TTN: variants seen among roughly 807,000 people sequenced by gnomAD.
TTN encodes the protein connectin.
Under a neutral mutation model 3,223.0 loss-of-function variants are expected in TTN, and 1,525 were observed. That is an observed-to-expected ratio of 0.47 (90% CI 0.45 to 0.49). The LOEUF is 0.49. Ranked by LOEUF, TTN falls within the 20% of genes least tolerant of loss-of-function variation. The pLI is 0.00. For synonymous variants in TTN, 14,094 were observed against 15,161.0 expected (o/e 0.93, Z 5.17); for missense variants, 40,786 against 43,424.0 (o/e 0.94, Z 5.40).
Position 178,790,820 on chromosome 2 carries a change from G to A in TTN, c.1688C>T (p.Ala563Val), listed in dbSNP as rs2093449486. The change falls in exon 11 of 363, where the codon GCT (alanine) becomes GTT (valine). Residue 563 changes from alanine to valine, a missense_variant. Physicochemically the swap from Ala to Val is moderately conservative, Grantham distance 64 (BLOSUM62 0). Coordinates refer to ENST00000589042, the MANE Select transcript of TTN (RefSeq NM_001267550.2). ...AGTGGCAACTACCACCATGGATGCAGCAGTTATCTCAGTTTCCTGTCTTAT... is the reference window on the plus strand; with the variant it reads ...AGTGGCAACTACCACCATGGATGCAACAGTTATCTCAGTTTCCTGTCTTAT... ...EAIRQETEIT[A>V]ASMVVVATAK... The A allele has an allele frequency of 6.2e-7, 1 of 1,614,104 alleles. No individual in the cohort carries two copies. Among genetic ancestry groups the A allele is most frequent in the Non-Finnish European group, 8.5e-7 (1 of 1,179,992 alleles).
chr2:178,788,417 G>A (rs140749535), intron 13 of TTN, among the ~76,000 whole-genome samples: 1 of 152,184 alleles, frequency 6.6e-6, no homozygotes, highest in Non-Finnish European at 1.5e-5. Flanking sequence ...ATGTTGCATA[G>A]TGGAATTTCT....
chr2:178,792,410 AGTTGAATT>A (rs976789510), intron 9 of TTN, among the ~76,000 whole-genome samples: 6 of 152,200 alleles, frequency 3.9e-5, no homozygotes, highest in African/African-American at 1.4e-4. Flanking sequence ...GAGAAAACAA[AGTTGAATT>A]CAACACTTTG....
In TTN at chr2:178,733,345, G is replaced by A. The variant is rs2154311282; in HGVS notation, c.15948C>T (p.Ala5316=). 1 of 1,613,778 alleles carries A rather than the reference G, an allele frequency of 6.2e-7. No homozygotes were observed. The highest frequency in any genetic ancestry group is 8.5e-7 in the Non-Finnish European group (1 of 1,179,784). ...KYRISFKNNV[A]QLKFYSAELH... is the part of the protein sequence containing the mutation. ...GCTCAGCTGAATAAAATTTGAGCTG[G>A]GCAACATTGTTTTTAAAACTTATTC... is the stretch of plus-strand genomic sequence containing the variant. The change falls in exon 54 of 363, where the codon GCC becomes GCT. Residue 5316 remains alanine, a synonymous_variant. Transcript: ENST00000589042.
rs758963173 is a variant in TTN, at chr2:178,586,635, T to G, written c.64266A>C (p.Lys21422Asn). 3.7e-6 allele frequency: 6 copies of G among 1,613,226 alleles called. No individual in the cohort carries two copies. The highest frequency in any genetic ancestry group is 5.1e-6 in the Non-Finnish European group (6 of 1,179,428). ...ADRWTEYSVV[K>N]DLSLVVTGLK... ...GGCCAGTGACAACAAGGCTCAGATC[T>G]TTTACCACTGAGTACTCTGTCCAGC... is the stretch of plus-strand genomic sequence containing the variant. The change falls in exon 308 of 363, where the codon AAA becomes AAC. Residue 21422 changes from lysine to asparagine, a missense_variant. Coordinates refer to ENST00000589042, the MANE Select transcript of TTN (RefSeq NM_001267550.2).
intron 8 of TTN, 75 bp downstream of exon 8, chr2:178,794,324 C>T: frequency 1.3e-6 from 2 of 1,599,914 alleles, no homozygotes; most frequent in Non-Finnish European, 1.7e-6. Flanking sequence ...ATGCCAAGCT[C>T]AGTGGATGGT....
Position 178,633,516 on chromosome 2 carries a change from G to T in TTN, c.42843C>A (p.Gly14281=), listed in dbSNP as rs1576706129. ...PSPKYSIKAD[G]LRRILKIKKA... ...TTTTGATTTTTAAGATGCGGCGCAG[G>T]CCATCTGCCTTGATAGAATATTTGG... Residue 14281 remains glycine (G), a synonymous_variant, in exon 232 of 363, where the codon GGC becomes GGA. Coordinates refer to ENST00000589042, the MANE Select transcript of TTN (RefSeq NM_001267550.2). The T allele has an allele frequency of 1.2e-6, 2 of 1,613,212 alleles. No homozygotes were observed. Among genetic ancestry groups the T allele is most frequent in the East Asian group, 4.5e-5 (2 of 44,766 alleles).
chr2:178,649,960 A>T, intron 210 of TTN, 66 bp from the exon 211 acceptor site: 1 of 1,523,320 alleles, frequency 6.6e-7, no homozygotes, highest in Non-Finnish European at 9.0e-7. Flanking sequence ...CTAATGAATG[A>T]ATTAAAAACC....
chr2:178,632,986 A>T lies in TTN; in HGVS notation c.43145T>A (p.Leu14382Gln). The T allele has an allele frequency of 6.2e-7, 1 of 1,613,272 alleles. No individual in the cohort carries two copies. Among genetic ancestry groups the T allele is most frequent in the Non-Finnish European group, 8.5e-7 (1 of 1,179,456 alleles). The part of the protein sequence containing the change: ...KHILILHNCQ[L>Q]GMTGEVSFQA... ...GAAGGAAACCTCTCCTGTCATACCC[A>T]GCTGACAGTTATGAAGGATCAGAAT... Residue 14382 changes from leucine to glutamine, a missense_variant, in exon 234 of 363, where the codon CTG becomes CAG. By Grantham distance (113) the Leu-to-Gln change is moderately radical. Transcript: ENST00000589042.
Position 178,741,166 on chromosome 2 carries a change from C to T in TTN, c.12067G>A (p.Ala4023Thr). The T allele has an allele frequency of 6.2e-7, 1 of 1,613,488 alleles. No individual in the cohort carries two copies. The highest frequency in any genetic ancestry group is 1.1e-5 in the South Asian group (1 of 91,080). The change falls in exon 48 of 363, where the codon GCA becomes ACA. Residue 4023 changes from alanine to threonine, a missense_variant. Transcript: ENST00000589042. ...TCCAGAAGCACAAGCAGCTCTGCTG[C>T]ACAGGTGGACTCACCCAACATATTC... The part of the protein sequence containing the change: ...AENMLGESTC[A>T]AELLVLLEDT...
Position 178,712,162 on chromosome 2 carries a change from G to A in TTN, c.27668C>T (p.Ser9223Phe), listed in dbSNP as rs778581432. The change falls in exon 96 of 363, where the codon TCT becomes TTT. Residue 9223 changes from serine (S) to phenylalanine (F), a missense_variant. Transcript: ENST00000589042. ...PVKVSVGDSA[S>F]LQCQLAGTPE... ...GGTTCCAGCAAGCTGGCATTGTAGA[G>A]AGGCAGAATCTCCAACAGACACCTT... 6.2e-6 allele frequency: 10 copies of A among 1,613,784 alleles called. No individual in the cohort carries two copies. The South Asian group carries it at 9.9e-5, about 16-fold the overall frequency.
chr2:178,684,074 C>T lies in TTN; in HGVS notation c.32731G>A (p.Glu10911Lys), dbSNP rs199620003. 8.4e-5 allele frequency: 136 copies of T among 1,611,116 alleles called. No individual in the cohort carries two copies. The highest frequency in any genetic ancestry group is 1.4e-5 in the Non-Finnish European group (17 of 1,178,842). Residue 10911 changes from glutamate (E) to lysine (K), a missense_variant, in exon 133 of 363, where the codon GAA becomes AAA. Glu to Lys is a moderately conservative substitution (Grantham distance 56). Transcript: ENST00000589042. The part of the protein sequence containing the change: ...EAPPKARVPE[E>K]PKRAVPEEKV... ...TCTTCTGGGACAGCTCTCTTCGGTT[C>T]CTCTGGCACTTTAAAGAGAGATTTC...
At position 178,713,939 on chromosome 2, in the gene TTN, G is replaced by T. The variant is rs764261158; in HGVS notation, c.26719C>A (p.Pro8907Thr). Residue 8907 changes from proline to threonine, a missense_variant, in exon 92 of 363, where the codon CCT becomes ACT. Coordinates refer to ENST00000589042, the MANE Select transcript of TTN (RefSeq NM_001267550.2). ...GCTGTGCAGCTGTCTTTGCCAACAG[G>T]GTTCTGCACCTCAAAACTGTATACC... is the stretch of plus-strand genomic sequence containing the variant. ...SGVYSFEVQN[P>T]VGKDSCTASL... 6 of 1,613,586 alleles carry T rather than the reference G, an allele frequency of 3.7e-6. No homozygotes were observed. Among genetic ancestry groups the T allele is most frequent in the Non-Finnish European group, 5.1e-6 (6 of 1,179,690 alleles).
chr2:178,797,438 CT>C (rs199764095), intron 6 of TTN, among the ~76,000 whole-genome samples: 1,834 of 151,374 alleles, frequency 0.012, 107 homozygotes, highest in Admixed American at 0.099. Context: ...TATCTTTTGT[CT>C]TTTTTTGTGT....
chr2:178,635,615 G>A lies in TTN; in HGVS notation c.41709C>T (p.Asn13903=), dbSNP rs2060337954. 6.3e-7 allele frequency: 1 copy of A among 1,594,002 alleles called. No homozygotes were observed. The highest frequency in any genetic ancestry group is 8.6e-7 in the Non-Finnish European group (1 of 1,169,118). The change falls in exon 227 of 363, where the codon AAC becomes AAT. Residue 13903 remains asparagine (N), a synonymous_variant. Coordinates refer to ENST00000589042, the MANE Select transcript of TTN (RefSeq NM_001267550.2). The part of the protein sequence containing the change: ...FACDIAKDTP[N]IKWFKGYDEI... ...CATCATATCCTTTGAACCACTTAATGTTTGGAGTATCTTTTGCTATATCAC... is the reference window on the plus strand; with the variant it reads ...CATCATATCCTTTGAACCACTTAATATTTGGAGTATCTTTTGCTATATCAC...
chr2:178,536,513 C>T lies in TTN; in HGVS notation c.100234G>A (p.Ala33412Thr), dbSNP rs778297512. 6.5e-7 allele frequency: 1 copy of T among 1,547,922 alleles called. No homozygotes were observed. The highest frequency in any genetic ancestry group is 1.9e-5 in the Admixed American group (1 of 51,346). The stretch of plus-strand genomic sequence containing the variant: ...CCATCACTGGCAGGTGGCTTCCAGG[C>T]CACAACACAAGAATCTTTTGTGACA... ...TAVTKDSCVVAWKPPASDGGA... is the reference protein window; with the variant it reads ...TAVTKDSCVVTWKPPASDGGA... The change falls in exon 357 of 363, where the codon GCC becomes ACC. Residue 33412 changes from alanine (A) to threonine (T), a missense_variant. Physicochemically the swap from Ala to Thr is moderately conservative, Grantham distance 58 (BLOSUM62 0). Transcript: ENST00000589042.
In TTN at chr2:178,570,976, A is replaced by G. The variant is rs769858495; in HGVS notation, c.75156T>C (p.Arg25052=). ...TATTTGTAAAACTGGCTTTCATCCAACGGCCCTCAGGTAATTCTTTCTTCT... is the reference window on the plus strand; with the variant it reads ...TATTTGTAAAACTGGCTTTCATCCAGCGGCCCTCAGGTAATTCTTTCTTCT... The part of the protein sequence containing the change: ...IVEKKELPEG[R]WMKASFTNII... The change falls in exon 326 of 363, where the codon CGT becomes CGC. Residue 25052 remains arginine (R), a synonymous_variant. Coordinates refer to ENST00000589042, the MANE Select transcript of TTN (RefSeq NM_001267550.2). The G allele has an allele frequency of 8.7e-6, 14 of 1,613,404 alleles. No homozygotes were observed. The highest frequency in any genetic ancestry group is 2.2e-5 in the East Asian group (1 of 44,824).
chr2:178,724,597 A>G (rs547226699), intron 71 of TTN, 59 bp from the exon 72 acceptor site: 2 of 1,482,492 alleles, frequency 1.3e-6, no homozygotes, highest in Admixed American at 2.4e-5. Context: ...TGTCTCTACT[A>G]TCACATTCAC....
chr2:178,771,737 C>A (rs951330792), intron 33 of TTN, among the ~76,000 whole-genome samples: 5 of 152,106 alleles, frequency 3.3e-5, no homozygotes, highest in Admixed American at 2.0e-4. Flanking sequence ...ATTCTTAGAA[C>A]AGTATACCAC....
At position 178,568,020 on chromosome 2, in the gene TTN, T is replaced by C; in HGVS notation, c.78112A>G (p.Thr26038Ala). Residue 26038 changes from threonine to alanine, a missense_variant, in exon 326 of 363, where the codon ACA becomes GCA. Coordinates refer to ENST00000589042, the MANE Select transcript of TTN (RefSeq NM_001267550.2). ...TGAATAATAGTTTTGTTGACCTTTG[T>C]CCACAAAATACTGTTTCTTTCTTTT... ...ERKERNSILW[T>A]KVNKTIIHDT... 1 of 1,613,414 alleles carries C rather than the reference T, an allele frequency of 6.2e-7. No homozygotes were observed. The highest frequency in any genetic ancestry group is 1.1e-5 in the South Asian group (1 of 91,070).
Sources: gnomAD v4.1 joint callset for allele counts (sites outside exome capture counted in the v4.1 genomes callset) on GRCh38, gnomAD v4.1.1 for gene constraint, MANE v1.5 for transcripts, NCBI Gene and HGNC (gene_info 2026-07-23, HGNC 2026-07-21) for gene names.